The following NBEA variants were observed in gnomAD, a reference collection of about 807,000 sequenced individuals.
The protein encoded by NBEA is neurobeachin, also known as lysosomal-trafficking regulator 2.
A neutral mutation model predicts 343.4 loss-of-function variants in NBEA; 44 were observed. The observed-to-expected ratio is 0.13, with a 90% CI of 0.10 to 0.16. The LOEUF (loss-of-function observed/expected upper bound fraction) is 0.16, where lower values mean the gene tolerates loss of function less well. Ranked by LOEUF, NBEA falls within the 10% of genes least tolerant of loss-of-function variation. The probability of loss-of-function intolerance (pLI) is 1.00; values close to 1 mark genes in which losing one functional copy is unlikely to be tolerated. For missense variants in NBEA, 2,555 were observed against 3,631.3 expected (o/e 0.70, Z 7.62); for synonymous variants, 1,175 against 1,238.7 (o/e 0.95, Z 1.08).
Position 35,156,210 on chromosome 13 carries a change from A to C in NBEA, c.2651+4A>C, listed in dbSNP as rs1333401607. ...GTAACAGCCGTGAAAATAGAAGGTAAGCAGTTTGGATACTGTAACAACACT... is the reference window on the plus strand; with the variant it reads ...GTAACAGCCGTGAAAATAGAAGGTACGCAGTTTGGATACTGTAACAACACT... On this transcript the variant is annotated splice_donor_region_variant and intron_variant, in intron 20 of 58. Coordinates refer to ENST00000379939, the MANE Select transcript of NBEA (RefSeq NM_001385012.1). The C allele has an allele frequency of 5.1e-6, 8 of 1,572,284 alleles. No homozygotes were observed. The South Asian group carries it at 7.2e-5, about 14-fold the overall frequency.
At chr13:35,275,158 CAT>C in intron 34 of NBEA, among the ~76,000 whole-genome samples, 1 of 152,072 alleles carries the variant, frequency 6.6e-6, no homozygotes, top group Non-Finnish European at 1.5e-5. Context: ...CCAAAACAGA[CAT>C]ATAGACCAAA....
intron 6 of NBEA, among the ~76,000 whole-genome samples, chr13:35,052,973 C>T (rs1566213890): frequency 6.6e-6 from 1 of 152,116 alleles, no homozygotes; most frequent in Non-Finnish European, 1.5e-5. Flanking sequence ...CTTAGACTCC[C>T]CTTTTATATG....
chr13:35,036,121 T>C (rs2062433457), intron 1 of NBEA, among the ~76,000 whole-genome samples: 1 of 151,956 alleles, frequency 6.6e-6, no homozygotes, highest in Non-Finnish European at 1.5e-5. Flanking sequence ...TGATTTTCTC[T>C]GGTGATTTAG....
At chr13:34,990,062 C>T (rs539693583) in intron 1 of NBEA, among the ~76,000 whole-genome samples, 3 of 151,186 alleles carry the variant, frequency 2.0e-5, no homozygotes, top group African/African-American at 7.2e-5. Flanking sequence ...GGCATTTATG[C>T]TCCTTTAGCT....
At chr13:35,455,461 C>A (rs1466053813) in intron 40 of NBEA, among the ~76,000 whole-genome samples, 1 of 150,766 alleles carries the variant, frequency 6.6e-6, no homozygotes, top group Non-Finnish European at 1.5e-5. Flanking sequence ...AGCCAGACAT[C>A]AAAACCAGCT....
intron 31 of NBEA, among the ~76,000 whole-genome samples, chr13:35,207,149 TAAG>T (rs979598948): frequency 1.3e-5 from 2 of 151,882 alleles, no homozygotes; most frequent in African/African-American, 2.4e-5. Flanking sequence ...TTTCTAAAAT[TAAG>T]AATAATAATT....
intron 1 of NBEA, among the ~76,000 whole-genome samples, chr13:34,954,212 C>G (rs1464155484): frequency 1.3e-5 from 2 of 152,000 alleles, no homozygotes; most frequent in Non-Finnish European, 2.9e-5. Context: ...CATTGTATAC[C>G]AGGAACTTGG....
chr13:35,078,139 C>T (rs1447282662), intron 10 of NBEA, among the ~76,000 whole-genome samples: 1 of 152,114 alleles, frequency 6.6e-6, no homozygotes, highest in Non-Finnish European at 1.5e-5. Flanking sequence ...TGTCTGCTGT[C>T]ATGCAAGTGG....
At chr13:35,273,553 A>G (rs961228549) in intron 34 of NBEA, among the ~76,000 whole-genome samples, 1 of 152,184 alleles carries the variant, frequency 6.6e-6, no homozygotes, top group Non-Finnish European at 1.5e-5. Context: ...AAACCCTTCA[A>G]AAAAAGTCAG....
chr13:35,280,315 C>T (rs1236852963), intron 34 of NBEA, among the ~76,000 whole-genome samples: 10 of 152,028 alleles, frequency 6.6e-5, no homozygotes, highest in Non-Finnish European at 1.5e-5. Flanking sequence ...GCTCTACATC[C>T]TCTCATGAGT....
At chr13:35,235,561 C>T (rs184334299) in intron 34 of NBEA, among the ~76,000 whole-genome samples, 25 of 152,248 alleles carry the variant, frequency 1.6e-4, no homozygotes, top group Admixed American at 1.6e-3. Context: ...TTTCTAGCCG[C>T]CAGAGCAAAG....
intron 31 of NBEA, among the ~76,000 whole-genome samples, 159 bp from the exon 32 acceptor site, chr13:35,208,541 C>A (rs936743247): frequency 1.3e-5 from 2 of 152,114 alleles, no homozygotes; most frequent in African/African-American, 2.4e-5. Context: ...TGTCCATATC[C>A]TTTCCACTGA....
chr13:35,175,868 A>G (rs2070860554), intron 27 of NBEA, among the ~76,000 whole-genome samples: 1 of 152,146 alleles, frequency 6.6e-6, no homozygotes, highest in East Asian at 1.9e-4. Flanking sequence ...ATACTGTGTG[A>G]AAAGGAACAA....
intron 55 of NBEA, among the ~76,000 whole-genome samples, chr13:35,656,629 C>T (rs1267407672): frequency 6.6e-6 from 1 of 152,164 alleles, no homozygotes; most frequent in Non-Finnish European, 1.5e-5. Context: ...AATTAAATGA[C>T]TGAAGAGCTG....
At chr13:35,315,271 G>C (rs556855246) in intron 36 of NBEA, among the ~76,000 whole-genome samples, 1 of 152,220 alleles carries the variant, frequency 6.6e-6, no homozygotes, top group East Asian at 1.9e-4. Context: ...GCTGGAGAAA[G>C]CAATTGTGCA....
At chr13:35,492,111 G>T (rs1244614603) in intron 41 of NBEA, among the ~76,000 whole-genome samples, 1 of 151,912 alleles carries the variant, frequency 6.6e-6, no homozygotes, top group Non-Finnish European at 1.5e-5. Flanking sequence ...ACCAAACATT[G>T]TATGTTCTCA....
rs45502300 is a variant in NBEA at position 35,672,375 on chromosome 13, A to G, written c.*1384A>G. On this transcript the variant is annotated 3_prime_UTR_variant, in exon 59 of 59. Coordinates refer to ENST00000379939, the MANE Select transcript of NBEA (RefSeq NM_001385012.1). ...TATTGGCACTTTGCACCAGAAACAT[A>G]TCATTATTTATTGATGTGATTACTT... The G allele has an allele frequency of 0.015, 2,278 of 152,762 alleles. 25 individuals carry two copies. The highest frequency in any genetic ancestry group is 0.022 in the Non-Finnish European group (1,486 of 68,040). The allele number at this position is 152,762 out of a possible 1,614,324, so 9.5% of individuals were successfully genotyped here. A position where few individuals can be genotyped will look rare whatever the true frequency, so the allele number is the denominator to read the frequency against.
chr13:35,252,552 G>A (rs893475155), intron 34 of NBEA, among the ~76,000 whole-genome samples: 3 of 152,188 alleles, frequency 2.0e-5, no homozygotes, highest in African/African-American at 7.2e-5. Flanking sequence ...ATCGACTGGG[G>A]AGCACAGTTG....
intron 40 of NBEA, among the ~76,000 whole-genome samples, chr13:35,465,433 T>C (rs2075348769): frequency 6.6e-6 from 1 of 152,130 alleles, no homozygotes; most frequent in Admixed American, 6.5e-5. Flanking sequence ...TATGGAAATA[T>C]AAAGGCAAGC....
Sources: gnomAD v4.1 joint callset for allele counts (sites outside exome capture counted in the v4.1 genomes callset) on GRCh38, gnomAD v4.1.1 for gene constraint, MANE v1.5 for transcripts, NCBI Gene and HGNC (gene_info 2026-07-23, HGNC 2026-07-21) for gene names.